ZNF254: variants seen among roughly 807,000 people sequenced by gnomAD.
ZNF254 encodes zinc finger protein 254.
A neutral mutation model predicts 12.4 loss-of-function variants in ZNF254; 10 were observed. The observed-to-expected ratio is 0.80, with a 90% CI of 0.50 to 1.36. The LOEUF (loss-of-function observed/expected upper bound fraction) is 1.36. ZNF254 is among the 40% of genes most tolerant of loss of function. The pLI is 0.00. For missense variants in ZNF254, 996 were observed against 763.9 expected, an observed-to-expected ratio of 1.30 and a Z score of -3.58; for synonymous variants, 305 against 253.4, an observed-to-expected ratio of 1.20 and a Z score of -1.93.
rs761028916 is a variant in ZNF254, at chr19:24,127,691, A to G, written c.1691A>G (p.His564Arg). ...AAGCAGTCTTCAATCCTTACTAACC[A>G]TAAGAGAATTCATACTGGAGAGAAA... ...AFKQSSILTN[H>R]KRIHTGEKPY... Residue 564 changes from histidine to arginine, a missense_variant, in exon 4 of 4, where the codon CAT becomes CGT. Physicochemically the swap from His to Arg is conservative, Grantham distance 29. Coordinates refer to ENST00000357002, the MANE Select transcript of ZNF254 (RefSeq NM_203282.4). 3.0e-5 allele frequency: 49 copies of G among 1,613,368 alleles called. No homozygotes were observed. Among genetic ancestry groups the G allele is most frequent in the Non-Finnish European group, 4.2e-5 (49 of 1,179,766 alleles).
rs906567615 is a variant in ZNF254 at position 24,126,842 on chromosome 19, T to C, written c.842T>C (p.Leu281Pro). ...GAAGCTTTTAATCGATCCTCAAATCTTACTACACATAAGATAATTCATACT... is the reference window on the plus strand; with the variant it reads ...GAAGCTTTTAATCGATCCTCAAATCCTACTACACATAAGATAATTCATACT... ...CGEAFNRSSN[L>P]TTHKIIHTGE... is the part of the protein sequence containing the mutation. Residue 281 changes from leucine (L) to proline (P), a missense_variant, in exon 4 of 4, where the codon CTT becomes CCT. Leu to Pro is a moderately conservative substitution (Grantham distance 98). Transcript: ENST00000357002. 1.9e-6 allele frequency: 3 copies of C among 1,613,150 alleles called. No homozygotes were observed. Among genetic ancestry groups the C allele is most frequent in the African/African-American group, 2.7e-5 (2 of 74,876 alleles).
At chr19:24,057,040 T>C (rs1296929628) in intron 2 of ZNF254, among the ~76,000 whole-genome samples, 1 of 152,220 alleles carries the variant, frequency 6.6e-6, no homozygotes, top group African/African-American at 2.4e-5. Context: ...CTATCTCTCA[T>C]ATGTGGGCTT....
At position 24,126,811 on chromosome 19, in the gene ZNF254, T is replaced by C. The variant is rs758733901; in HGVS notation, c.811T>C (p.Cys271Arg). The C allele has an allele frequency of 1.4e-5, 23 of 1,613,230 alleles. No homozygotes were observed. In the East Asian group the frequency reaches 3.8e-4, roughly 27 times the overall value. ...AGEKLYKCEE[C>R]GEAFNRSSNL... ...AGAGAAACTCTACAAATGTGAAGAA[T>C]GTGGTGAAGCTTTTAATCGATCCTC... The change falls in exon 4 of 4, where the codon TGT (cysteine) becomes CGT (arginine). Residue 271 changes from cysteine to arginine, a missense_variant. Coordinates refer to ENST00000357002, the MANE Select transcript of ZNF254 (RefSeq NM_203282.4).
In ZNF254 at chr19:24,120,965, C is replaced by T. The variant is rs189248315; in HGVS notation, c.254-5289C>T. ...TATTATTCAGGCTGATCTGAATCTC[C>T]TGGTCTTTAGTGTTGTGACAGCTTT... On this transcript the variant is annotated intron_variant, in intron 3 of 3. Transcript: ENST00000357002. 1.2e-4 allele frequency among the ~76,000 whole-genome samples: 18 copies of T among 152,104 alleles called. 1 individual carries two copies. Among genetic ancestry groups the T allele is most frequent in the Admixed American group, 5.9e-4 (9 of 15,276 alleles).
At chr19:24,117,403 T>C (rs1448970898) in intron 3 of ZNF254, among the ~76,000 whole-genome samples, 1 of 151,906 alleles carries the variant, frequency 6.6e-6, no homozygotes, top group South Asian at 2.1e-4. Context: ...CAATGGCGGG[T>C]GCCCCTCCCC....
chr19:24,126,343 T>C lies in ZNF254; in HGVS notation c.343T>C (p.Tyr115His), dbSNP rs748319212. The C allele has an allele frequency of 1.5e-5, 24 of 1,608,504 alleles. No individual in the cohort carries two copies. Among genetic ancestry groups the C allele is most frequent in the Non-Finnish European group, 2.0e-5 (24 of 1,177,662 alleles). Residue 115 changes from tyrosine (Y) to histidine (H), a missense_variant, in exon 4 of 4, where the codon TAT (tyrosine) becomes CAT (histidine). By Grantham distance (83) the Tyr-to-His change is moderately conservative. Transcript: ENST00000357002. ...QKAILRRYGK[Y>H]GHENLQLRKG... ...AGCAATACTGAGAAGATATGGAAAA[T>C]ATGGACATGAGAATTTACAGTTAAG...
chr19:24,106,111 T>C, intron 2 of ZNF254, 45 bp downstream of exon 2: 2 of 1,513,838 alleles, frequency 1.3e-6, no homozygotes, highest in Non-Finnish European at 1.8e-6. Flanking sequence ...AACTAAAGCT[T>C]TTATTTTTCT....
chr19:24,106,326 C>A, intron 2 of ZNF254: 1 of 542,252 alleles, frequency 1.8e-6, no homozygotes, highest in Non-Finnish European at 2.8e-6. Context: ...ATCTTAAAAT[C>A]CATTTGGCAT....
chr19:24,067,446 C>G (rs1237291352), intron 2 of ZNF254, among the ~76,000 whole-genome samples: 1 of 151,712 alleles, frequency 6.6e-6, no homozygotes, highest in Non-Finnish European at 1.5e-5. Context: ...TGACATATCG[C>G]TGGGCCCAGC....
intron 2 of ZNF254, among the ~76,000 whole-genome samples, chr19:24,058,500 T>G (rs1970948632): frequency 6.6e-6 from 1 of 151,656 alleles, no homozygotes; most frequent in Admixed American, 6.6e-5. Context: ...AACCTCCGCC[T>G]CCTGGGTTTA....
intron 2 of ZNF254, chr19:24,049,126 A>C (rs1266847390): frequency 2.6e-5 from 3 of 116,600 alleles, no homozygotes; most frequent in Non-Finnish European, 3.4e-5. Flanking sequence ...TCTATCATCT[A>C]TCTCTCCTTT....
intron 2 of ZNF254, among the ~76,000 whole-genome samples, chr19:24,067,347 C>G (rs149910563): frequency 6.6e-6 from 1 of 151,540 alleles, no homozygotes; most frequent in Non-Finnish European, 1.5e-5. Context: ...TGGTTCCTGC[C>G]GAAATGGTCA....
intron 2 of ZNF254, among the ~76,000 whole-genome samples, chr19:24,055,205 C>CAAAAAA (rs71167733): frequency 1.4e-4 from 4 of 28,322 alleles, no homozygotes; most frequent in East Asian, 1.2e-3. Flanking sequence ...TCTGTCTCAC[C>CAAAAAA]AAAAAAAAAA....
At chr19:24,049,703 G>A (rs1354452465) in intron 2 of ZNF254, among the ~76,000 whole-genome samples, 1 of 151,878 alleles carries the variant, frequency 6.6e-6, no homozygotes, top group Middle Eastern at 3.2e-3. Context: ...CATAGGTTAT[G>A]TGACTCTTCT....
intron 1 of ZNF254, chr19:24,105,660 C>T (rs1326375827): frequency 1.4e-5 from 4 of 293,396 alleles, no homozygotes; most frequent in Non-Finnish European, 1.9e-5. Context: ...GTAAACGTAG[C>T]ACTCAAAAAT....
intron 2 of ZNF254, among the ~76,000 whole-genome samples, chr19:24,080,960 C>G (rs1045135706): frequency 6.6e-6 from 1 of 151,308 alleles, no homozygotes; most frequent in Non-Finnish European, 1.5e-5. Flanking sequence ...GCTTGTAATC[C>G]CAGCTACTCA....
chr19:24,088,987 T>G (rs1289877741), intron 1 of ZNF254, among the ~76,000 whole-genome samples: 1 of 115,520 alleles, frequency 8.7e-6, no homozygotes, highest in Non-Finnish European at 2.0e-5. Context: ...TTTTTTTTTT[T>G]TTTTTTGAGA....
intron 2 of ZNF254, among the ~76,000 whole-genome samples, chr19:24,058,393 TTTTCTTTC>T (rs199868845): frequency 2.7e-5 from 3 of 111,622 alleles, no homozygotes; most frequent in Admixed American, 8.7e-5. Context: ...GGAGTTTTCT[TTTTCTTTC>T]TTTCTTTCTT....
chr19:24,039,967 T>A (rs1267895584), intron 1 of ZNF254, among the ~76,000 whole-genome samples: 6 of 152,230 alleles, frequency 3.9e-5, no homozygotes, highest in Non-Finnish European at 8.8e-5. Flanking sequence ...CGGTTGTTAG[T>A]GTGTCATGCA....
Sources: allele counts gnomAD v4.1 joint callset (sites outside exome capture counted in the v4.1 genomes callset), GRCh38; gene constraint gnomAD v4.1.1; transcripts MANE v1.5; gene names NCBI Gene and HGNC (gene_info 2026-07-23, HGNC 2026-07-21).